Variants in CIMAP1D observed in about 807,000 individuals in gnomAD.
The protein encoded by CIMAP1D is CIMAP1 family member D.
At chr19:473,099 C>G in the CIMAP1D span, among the ~76,000 whole-genome samples, 1 of 128,786 alleles carries the variant, frequency 7.8e-6, no homozygotes, top group Non-Finnish European at 1.6e-5. Flanking sequence ...GGCAGAGATA[C>G]ACGGTCACAG....
At chr19:491,356 C>G in the CIMAP1D span, among the ~76,000 whole-genome samples, 1 of 152,174 alleles carries the variant, frequency 6.6e-6, no homozygotes, top group African/African-American at 2.4e-5. Flanking sequence ...GCTCTCTAGT[C>G]TCAAACCCGG....
the CIMAP1D span, among the ~76,000 whole-genome samples, chr19:475,986 ATTT>A: frequency 2.1e-3 from 81 of 39,254 alleles, no homozygotes; most frequent in African/African-American, 0.01. Flanking sequence ...CGCCTGGCTA[ATTT>A]TTTTTTTTTT....
chr19:490,837 G>A, the CIMAP1D span, among the ~76,000 whole-genome samples: 1 of 152,188 alleles, frequency 6.6e-6, no homozygotes, highest in African/African-American at 2.4e-5. Flanking sequence ...GGTGGCTCAC[G>A]CCTGTAATCC....
the CIMAP1D span, among the ~76,000 whole-genome samples, chr19:484,712 G>A: frequency 0.52 from 79,633 of 152,004 alleles, 21,090 homozygotes; most frequent in East Asian, 0.65. Flanking sequence ...GCGGAGGAGC[G>A]AGGAGGAGGC....
At chr19:468,429 G>C in the CIMAP1D span, among the ~76,000 whole-genome samples, 991 of 152,186 alleles carry the variant, frequency 6.5e-3, 6 homozygotes, top group Non-Finnish European at 8.4e-3. Flanking sequence ...CCAGGGCTTC[G>C]GCTTGCTGGC....
chr19:477,062 C>A, the CIMAP1D span, among the ~76,000 whole-genome samples: 3 of 152,080 alleles, frequency 2.0e-5, no homozygotes, highest in Non-Finnish European at 2.9e-5. Flanking sequence ...CAAAAATCAG[C>A]CAGGAGTGGT....
At chr19:478,182 G>T in the CIMAP1D span, among the ~76,000 whole-genome samples, 1 of 152,196 alleles carries the variant, frequency 6.6e-6, no homozygotes, top group African/African-American at 2.4e-5. Flanking sequence ...GACCAAAGCT[G>T]CTCCTTCACC....
the CIMAP1D span, among the ~76,000 whole-genome samples, chr19:478,028 C>T: frequency 2.6e-5 from 4 of 152,238 alleles, no homozygotes; most frequent in Non-Finnish European, 5.9e-5. Context: ...CTTCCTCGGT[C>T]ACGAGGGCCC....
the CIMAP1D span, chr19:464,113 T>A: frequency 6.7e-6 from 7 of 1,049,796 alleles, no homozygotes; most frequent in East Asian, 3.7e-4. Flanking sequence ...GGGCCTGGTA[T>A]CTCAGCAGGA....
the CIMAP1D span, among the ~76,000 whole-genome samples, chr19:479,041 G>A: frequency 6.6e-6 from 1 of 152,234 alleles, no homozygotes; most frequent in African/African-American, 2.4e-5. Context: ...GTGGGCGAAG[G>A]GGGTGTTGGA....
At chr19:463,375 G>A in the CIMAP1D span, 1 of 183,046 alleles carries the variant, frequency 5.5e-6, no homozygotes, top group Non-Finnish European at 1.1e-5. Flanking sequence ...GCCCAGGAAA[G>A]GTTTATTGGC....
chr19:465,328 T>C, the CIMAP1D span, among the ~76,000 whole-genome samples: 13 of 144,064 alleles, frequency 9.0e-5, no homozygotes, highest in African/African-American at 3.4e-4. Context: ...GATGGATGGA[T>C]GGATGAGTGA....
chr19:481,570 G>GTGGGAAGGATGA, the CIMAP1D span, among the ~76,000 whole-genome samples: 4 of 139,378 alleles, frequency 2.9e-5, no homozygotes, highest in Non-Finnish European at 6.2e-5. Flanking sequence ...GGGAAGGATG[G>GTGGGAAGGATGA]TGGGAAGGAT....
At chr19:478,759 C>T in the CIMAP1D span, among the ~76,000 whole-genome samples, 2 of 152,278 alleles carry the variant, frequency 1.3e-5, no homozygotes, top group East Asian at 1.9e-4. Flanking sequence ...TACGTCCACC[C>T]GCCCAGCTGC....
At chr19:490,185 G>C in the CIMAP1D span, 2 of 339,896 alleles carry the variant, frequency 5.9e-6, no homozygotes, top group Non-Finnish European at 1.1e-5. Flanking sequence ...GCAAAACCTC[G>C]TCTCTACTAA....
chr19:463,768 T>C, the CIMAP1D span: 2 of 1,528,240 alleles, frequency 1.3e-6, no homozygotes, highest in South Asian at 2.4e-5. Context: ...TCTCGCCTTC[T>C]AGCCCCTCCA....
At chr19:465,147 G>GTGGGTGGGTGGATGGC in the CIMAP1D span, among the ~76,000 whole-genome samples, 1 of 124,374 alleles carries the variant, frequency 8.0e-6, no homozygotes. Context: ...GGATGGATGG[G>GTGGGTGGGTGGATGGC]TGGGTGGGTG....
chr19:476,841 T>A, the CIMAP1D span, among the ~76,000 whole-genome samples: 3 of 152,128 alleles, frequency 2.0e-5, no homozygotes, highest in Non-Finnish European at 4.4e-5. Context: ...CTATAAAAAA[T>A]CAACATATTA....
the CIMAP1D span, among the ~76,000 whole-genome samples, chr19:490,623 T>C: frequency 0.039 from 5,949 of 152,314 alleles, 259 homozygotes; most frequent in East Asian, 0.22. Context: ...CTGTTGCACA[T>C]GTTTTCCAAT....
Sources: allele counts gnomAD v4.1 joint callset (sites outside exome capture counted in the v4.1 genomes callset), GRCh38; gene constraint gnomAD v4.1.1; transcripts MANE v1.5; gene names NCBI Gene and HGNC (gene_info 2026-07-23, HGNC 2026-07-21).